Variants in CNTN3 observed in about 807,000 individuals in gnomAD.
CNTN3 encodes contactin 3.
A neutral mutation model predicts 119.1 loss-of-function variants in CNTN3; 60 were observed. The observed-to-expected ratio is 0.50, with a 90% CI of 0.41 to 0.62. The LOEUF (loss-of-function observed/expected upper bound fraction) is 0.62. Among genes scored for constraint, CNTN3 ranks in the 20% least tolerant of loss-of-function variants. The probability of loss-of-function intolerance (pLI) is 0.00; values close to 1 mark genes in which losing one functional copy is unlikely to be tolerated. For missense variants in CNTN3, 1,101 were observed against 1,242.4 expected (o/e 0.89, Z 1.71); for synonymous variants, 450 against 438.7 (o/e 1.03, Z -0.32).
intron 1 of CNTN3, among the ~76,000 whole-genome samples, chr3:74,563,966 G>T (rs1183925745): frequency 6.6e-6 from 1 of 152,074 alleles, no homozygotes; most frequent in Non-Finnish European, 1.5e-5. Context: ...ATTCAACAAA[G>T]ATTTACTGGG....
At chr3:74,328,789 C>A (rs1466404193) in intron 13 of CNTN3, among the ~76,000 whole-genome samples, 1 of 152,118 alleles carries the variant, frequency 6.6e-6, no homozygotes, top group Non-Finnish European at 1.5e-5. Flanking sequence ...TCTTTACCAG[C>A]AAATAACATT....
At chr3:74,484,610 T>C (rs1702819110) in intron 4 of CNTN3, among the ~76,000 whole-genome samples, 1 of 152,164 alleles carries the variant, frequency 6.6e-6, no homozygotes, top group Non-Finnish European at 1.5e-5. Context: ...AACCTAAACT[T>C]AGCTATATGC....
At chr3:74,447,964 T>C (rs6764156) in intron 4 of CNTN3, among the ~76,000 whole-genome samples, 36,585 of 152,082 alleles carry the variant, frequency 0.24, 4,506 homozygotes, top group African/African-American at 0.28. Flanking sequence ...CAGCTTAAAA[T>C]TGGATGATCC....
intron 1 of CNTN3, among the ~76,000 whole-genome samples, chr3:74,577,818 T>A (rs1704442887): frequency 6.6e-6 from 1 of 152,102 alleles, no homozygotes; most frequent in East Asian, 1.9e-4. Flanking sequence ...GATTAGATAT[T>A]TTAATATTAA....
At chr3:74,544,264 T>C (rs1703882937) in intron 1 of CNTN3, among the ~76,000 whole-genome samples, 1 of 152,202 alleles carries the variant, frequency 6.6e-6, no homozygotes, top group African/African-American at 2.4e-5. Context: ...ACAATGTAAC[T>C]GAATAGCTCA....
In CNTN3 at chr3:74,424,894, A is replaced by G; in HGVS notation, c.405T>C (p.Arg135=). The G allele has an allele frequency of 6.2e-7, 1 of 1,613,662 alleles. No homozygotes were observed. Among genetic ancestry groups the G allele is most frequent in the Non-Finnish European group, 8.5e-7 (1 of 1,179,782 alleles). ...AGAGCAGCACAACTCCCTGGCCTTC[A>G]CGCACAGACACTGTACTCCTCATTT... ...KTKMRSTVSV[R]EGQGVVLLCG... is the part of the protein sequence containing the mutation. Residue 135 remains arginine, a synonymous_variant, in exon 5 of 23, where the codon CGT becomes CGC. Transcript: ENST00000263665.
chr3:74,320,879 C>T (rs1326109519), intron 13 of CNTN3, among the ~76,000 whole-genome samples: 1 of 151,406 alleles, frequency 6.6e-6, no homozygotes, highest in Admixed American at 6.6e-5. Context: ...TATGTCTTGT[C>T]TATGTCTATA....
At chr3:74,445,918 T>G (rs570300891) in intron 4 of CNTN3, among the ~76,000 whole-genome samples, 1 of 152,312 alleles carries the variant, frequency 6.6e-6, no homozygotes, top group East Asian at 1.9e-4. Flanking sequence ...ACTGCACAAC[T>G]CAAGAGGGTA....
At chr3:74,481,071 A>T (rs1559624819) in intron 4 of CNTN3, among the ~76,000 whole-genome samples, 1 of 151,926 alleles carries the variant, frequency 6.6e-6, no homozygotes, top group East Asian at 1.9e-4. Context: ...TAGTGTCACC[A>T]CTTGTTGACA....
In CNTN3 at chr3:74,422,489, G is replaced by C. The variant is rs540206464; in HGVS notation, c.454+2356C>G. Among the ~76,000 whole-genome samples, 5 of 152,160 alleles carry C rather than the reference G, an allele frequency of 3.3e-5. No individual in the cohort carries two copies. The South Asian group carries it at 1.0e-3, about 31-fold the overall frequency. On this transcript the variant is annotated intron_variant, in intron 5 of 22. Coordinates refer to ENST00000263665, the MANE Select transcript of CNTN3 (RefSeq NM_020872.3). ...AATCAGGATATCATTATTTAGGACA[G>C]GTGTGATGGGCTAACAGTTCTCCAA... is the stretch of plus-strand genomic sequence containing the variant.
intron 3 of CNTN3, among the ~76,000 whole-genome samples, chr3:74,496,047 C>A (rs1237649198): frequency 6.6e-6 from 1 of 152,032 alleles, no homozygotes; most frequent in Non-Finnish European, 1.5e-5. Flanking sequence ...GGCTACCAAG[C>A]ACTTGAAATG....
At chr3:74,302,928 G>T in intron 13 of CNTN3, 121 bp from the exon 14 acceptor site, 1 of 611,532 alleles carries the variant, frequency 1.6e-6, no homozygotes, top group Non-Finnish European at 2.9e-6. Context: ...GCAAACCAAG[G>T]TGGTATAAGA....
chr3:74,325,533 C>T (rs532312568), intron 13 of CNTN3, among the ~76,000 whole-genome samples: 2 of 152,152 alleles, frequency 1.3e-5, no homozygotes, highest in Admixed American at 6.5e-5. Flanking sequence ...AGGAAAAACT[C>T]GTGCAGAAAA....
At chr3:74,374,170 A>AG (rs1704413578) in intron 5 of CNTN3, among the ~76,000 whole-genome samples, 1 of 152,106 alleles carries the variant, frequency 6.6e-6, no homozygotes, top group Non-Finnish European at 1.5e-5. Context: ...ACTGTGCTGC[A>AG]GTCTGACATT....
intron 11 of CNTN3, among the ~76,000 whole-genome samples, chr3:74,346,308 T>C (rs1037960939): frequency 1.3e-5 from 2 of 152,124 alleles, no homozygotes; most frequent in African/African-American, 4.8e-5. Flanking sequence ...GTCTCTTTTT[T>C]AGTATTTGAA....
intron 1 of CNTN3, among the ~76,000 whole-genome samples, chr3:74,527,210 T>C (rs1703632815): frequency 6.6e-6 from 1 of 151,988 alleles, no homozygotes; most frequent in African/African-American, 2.4e-5. Flanking sequence ...AGGAAAATCC[T>C]GTTCAAAGAA....
intron 1 of CNTN3, among the ~76,000 whole-genome samples, chr3:74,576,524 TAA>T (rs2106660163): frequency 6.6e-6 from 1 of 152,206 alleles, no homozygotes; most frequent in East Asian, 1.9e-4. Flanking sequence ...CATAAATCAA[TAA>T]GACTTGAAAT....
At chr3:74,472,757 C>T (rs549328620) in intron 4 of CNTN3, among the ~76,000 whole-genome samples, 2 of 152,278 alleles carry the variant, frequency 1.3e-5, no homozygotes, top group Non-Finnish European at 2.9e-5. Flanking sequence ...TTAAATTTAA[C>T]TTGGTTTTAG....
intron 4 of CNTN3, among the ~76,000 whole-genome samples, chr3:74,461,005 A>G (rs967851428): frequency 1.6e-4 from 25 of 151,614 alleles, no homozygotes; most frequent in African/African-American, 5.8e-4. Context: ...TTATGAAGTT[A>G]AAATAATTAC....
Sources: allele counts gnomAD v4.1 joint callset (sites outside exome capture counted in the v4.1 genomes callset), GRCh38; gene constraint gnomAD v4.1.1; transcripts MANE v1.5; gene names NCBI Gene and HGNC (gene_info 2026-07-23, HGNC 2026-07-21).